The following ZBTB20 variants were observed in gnomAD, a reference collection of about 807,000 sequenced individuals.
ZBTB20 encodes zinc finger and BTB domain containing 20, also known as zinc finger and BTB domain-containing protein 20.
A neutral mutation model predicts 56.9 loss-of-function variants in ZBTB20; 9 were observed. That is an observed-to-expected ratio of 0.16 (90% CI 0.10 to 0.28). The LOEUF (loss-of-function observed/expected upper bound fraction) is 0.28. Ranked by LOEUF, ZBTB20 falls within the 10% of genes least tolerant of loss-of-function variation. ZBTB20 has a pLI of 1.00. For synonymous variants in ZBTB20, 417 were observed against 420.7 expected (o/e 0.99, Z 0.11); for missense variants, 655 against 1,003.0 (o/e 0.65, Z 4.69).
chr3:114,957,103 C>T lies in ZBTB20; in HGVS notation c.-456+17263G>A, dbSNP rs977421549. ...CACCTCTTCCAAAACAAAATTTGGA[C>T]AATAGTTACACATGAAAATGTTGTG... On this transcript the variant is annotated intron_variant, in intron 3 of 11. Coordinates refer to ENST00000675478, the MANE Select transcript of ZBTB20 (RefSeq NM_001348800.3). Among the ~76,000 whole-genome samples, 57 of 152,106 alleles carry T rather than the reference C, an allele frequency of 3.7e-4. 1 individual carries two copies. Among genetic ancestry groups the T allele is most frequent in the African/African-American group, 1.4e-3 (57 of 41,402 alleles).
At chr3:115,016,135 T>G (rs761806938) in intron 2 of ZBTB20, among the ~76,000 whole-genome samples, 4 of 152,048 alleles carry the variant, frequency 2.6e-5, no homozygotes, top group Non-Finnish European at 5.9e-5. Context: ...TGTCTGTTCA[T>G]GTGCTCTGCC....
intron 6 of ZBTB20, among the ~76,000 whole-genome samples, chr3:114,659,477 T>C (rs2060598383): frequency 6.6e-6 from 1 of 152,196 alleles, no homozygotes; most frequent in Non-Finnish European, 1.5e-5. Context: ...GTTTGTTTTT[T>C]TCCTGAAGCA....
chr3:114,866,413 C>T (rs1478981167), intron 4 of ZBTB20, among the ~76,000 whole-genome samples: 1 of 152,154 alleles, frequency 6.6e-6, no homozygotes, highest in African/African-American at 2.4e-5. Flanking sequence ...ATAGTGTCTA[C>T]TTCATGGGGT....
intron 5 of ZBTB20, among the ~76,000 whole-genome samples, chr3:114,766,723 C>T (rs1215757125): frequency 1.3e-5 from 2 of 152,012 alleles, no homozygotes; most frequent in African/African-American, 2.4e-5. Context: ...TTTATTTCAG[C>T]CAATTATCAA....
At chr3:114,972,456 T>A (rs867357597) in intron 3 of ZBTB20, among the ~76,000 whole-genome samples, 1 of 152,176 alleles carries the variant, frequency 6.6e-6, no homozygotes, top group Middle Eastern at 3.2e-3. Context: ...TGTTCTGAAA[T>A]CCTGATATTT....
At chr3:115,074,641 A>T (rs1229570588) in intron 1 of ZBTB20, among the ~76,000 whole-genome samples, 1 of 152,224 alleles carries the variant, frequency 6.6e-6, no homozygotes, top group East Asian at 1.9e-4. Context: ...GCTTGCAGAC[A>T]TTGCACAACA....
chr3:114,614,596 A>G (rs1349582571), intron 6 of ZBTB20, among the ~76,000 whole-genome samples: 2 of 152,194 alleles, frequency 1.3e-5, no homozygotes, highest in African/African-American at 2.4e-5. Flanking sequence ...CTGAACCATG[A>G]TAATTCTGCT....
chr3:114,777,539 A>T (rs980160242), intron 5 of ZBTB20, among the ~76,000 whole-genome samples: 2 of 152,192 alleles, frequency 1.3e-5, no homozygotes, highest in Non-Finnish European at 2.9e-5. Context: ...TCAAAACCAC[A>T]GTGAGATACC....
chr3:114,689,268 T>C (rs895106498), intron 6 of ZBTB20, among the ~76,000 whole-genome samples: 2 of 152,168 alleles, frequency 1.3e-5, no homozygotes, highest in African/African-American at 4.8e-5. Context: ...TCAGAAAATA[T>C]GTCAGCTTCA....
chr3:114,739,022 G>A (rs1341167514), intron 5 of ZBTB20, among the ~76,000 whole-genome samples: 5 of 152,118 alleles, frequency 3.3e-5, no homozygotes, highest in Non-Finnish European at 7.4e-5. Flanking sequence ...CTCCCGCCTT[G>A]GCCTCCCAAA....
At chr3:114,885,869 A>C (rs1323721965) in intron 4 of ZBTB20, among the ~76,000 whole-genome samples, 1 of 152,218 alleles carries the variant, frequency 6.6e-6, no homozygotes, top group Non-Finnish European at 1.5e-5. Flanking sequence ...TCAGTAGATG[A>C]GACCTATAAT....
intron 1 of ZBTB20, among the ~76,000 whole-genome samples, chr3:115,140,593 A>G (rs1333605997): frequency 6.6e-6 from 1 of 151,634 alleles, no homozygotes; most frequent in Non-Finnish European, 1.5e-5. Context: ...TTTGTTTTGT[A>G]AATTGTTAGA....
intron 1 of ZBTB20, among the ~76,000 whole-genome samples, chr3:115,118,703 A>ATTTTTTTTTTTTTTTTTTTTTTTT (rs35607205): frequency 1.2e-5 from 1 of 82,210 alleles, no homozygotes; most frequent in Non-Finnish European, 2.2e-5. Flanking sequence ...CCTGGTACAA[A>ATTTTTTTTTTTTTTTTTTTTTTTT]TTTTTTTTTT....
At chr3:114,371,291 T>C (rs1310088396) in intron 10 of ZBTB20, among the ~76,000 whole-genome samples, 2 of 152,196 alleles carry the variant, frequency 1.3e-5, no homozygotes, top group African/African-American at 2.4e-5. Flanking sequence ...TCTCAGATAC[T>C]GGTGATGTGA....
intron 3 of ZBTB20, among the ~76,000 whole-genome samples, chr3:114,974,080 AG>A (rs1398315168): frequency 6.6e-6 from 1 of 151,002 alleles, no homozygotes; most frequent in Non-Finnish European, 1.5e-5. Flanking sequence ...AAAAAAAAAA[AG>A]GAGGACAGAG....
chr3:114,528,420 G>A (rs150945233), intron 6 of ZBTB20, among the ~76,000 whole-genome samples: 308 of 151,980 alleles, frequency 2.0e-3, no homozygotes, highest in Non-Finnish European at 2.8e-3. Context: ...AAGAGGGCAC[G>A]GGTCTTCAGG....
At chr3:114,376,143 T>C (rs908885925) in intron 10 of ZBTB20, among the ~76,000 whole-genome samples, 1 of 152,204 alleles carries the variant, frequency 6.6e-6, no homozygotes, top group Non-Finnish European at 1.5e-5. Flanking sequence ...AGAGCTATAA[T>C]AGTCTTCCGT....
At chr3:114,769,928 G>A (rs1344192198) in intron 5 of ZBTB20, among the ~76,000 whole-genome samples, 11 of 151,278 alleles carry the variant, frequency 7.3e-5, no homozygotes, top group African/African-American at 2.4e-4. Context: ...GCATGGTGGT[G>A]TGCACCCGTA....
chr3:114,990,699 C>G (rs1226058741), intron 2 of ZBTB20, among the ~76,000 whole-genome samples: 1 of 152,082 alleles, frequency 6.6e-6, no homozygotes, highest in African/African-American at 2.4e-5. Context: ...CCTCCTTGTA[C>G]CTCTGGTAGA....
Sources: gnomAD v4.1 joint callset for allele counts (sites outside exome capture counted in the v4.1 genomes callset) on GRCh38, gnomAD v4.1.1 for gene constraint, MANE v1.5 for transcripts, NCBI Gene and HGNC (gene_info 2026-07-23, HGNC 2026-07-21) for gene names.